CDKL5: variants seen among roughly 807,000 people sequenced by gnomAD.
CDKL5 encodes cyclin-dependent kinase-like 5.
A neutral mutation model predicts 61.7 loss-of-function variants in CDKL5; 8 were observed. That is an observed-to-expected ratio of 0.13 (90% CI 0.08 to 0.23). The LOEUF (loss-of-function observed/expected upper bound fraction) is 0.23, where lower values mean the gene tolerates loss of function less well. Among genes scored for constraint, CDKL5 ranks in the 10% least tolerant of loss-of-function variants. CDKL5 has a pLI of 1.00. For missense variants in CDKL5, 440 were observed against 734.5 expected, an observed-to-expected ratio of 0.60 and a Z score of 4.63; for synonymous variants, 275 against 272.3, an observed-to-expected ratio of 1.01 and a Z score of -0.10.
rs1369259376 is a variant in CDKL5 at position 18,434,771 on chromosome X, T to G, written c.-163+9076T>G. On this transcript the variant is annotated intron_variant, in intron 1 of 17. Transcript: ENST00000623535. The stretch of plus-strand genomic sequence containing the variant: ...GGTGAAACCCTCTCTCTACAAAAAA[T>G]ACAAAAATTAGCTGAGTGTGGTGGC... Among the ~76,000 whole-genome samples the G allele has an allele frequency of 5.4e-5, 6 of 110,512 alleles. No individual in the cohort carries two copies. The East Asian group carries it at 1.7e-3, about 32-fold the overall frequency.
intron 12 of CDKL5, among the ~76,000 whole-genome samples, chrX:18,605,564 G>A (rs1248864242): frequency 9.0e-6 from 1 of 111,146 alleles, no homozygotes; most frequent in African/African-American, 3.3e-5. Context: ...CTCCAGCCTG[G>A]GCAATAGAAC....
intron 1 of CDKL5, among the ~76,000 whole-genome samples, chrX:18,497,856 C>T (rs1470398410): frequency 1.8e-5 from 2 of 108,933 alleles, no homozygotes; most frequent in South Asian, 4.1e-4. Flanking sequence ...TCTGTCACCC[C>T]GGCAGTGCAC....
chrX:18,628,293 C>A, intron 17 of CDKL5, 78 bp from the exon 18 acceptor site: 1 of 1,062,158 alleles, frequency 9.4e-7, no homozygotes. Flanking sequence ...AGTCACCTCA[C>A]CTCTAAGCCC....
At chrX:18,601,648 G>C (rs545859615) in intron 11 of CDKL5, among the ~76,000 whole-genome samples, 1 of 112,235 alleles carries the variant, frequency 8.9e-6, no homozygotes, top group East Asian at 2.8e-4. Context: ...GGCAGTTTAG[G>C]CTCTTTGTAC....
chrX:18,540,683 CTTCCCCTTCCCT>C (rs1470999506), intron 3 of CDKL5, among the ~76,000 whole-genome samples: 1 of 108,202 alleles, frequency 9.2e-6, no homozygotes, highest in Non-Finnish European at 1.9e-5. Flanking sequence ...TCCCCTTCCC[CTTCCCCTTCCCT>C]TCTTTTTTTT....
In CDKL5 at chrX:18,592,593, A is replaced by G. The variant is rs150116142; in HGVS notation, c.745-2755A>G. The stretch of plus-strand genomic sequence containing the variant: ...ATCCTTCAGGGAAATTGCTGCCTCC[A>G]TCACACTTTGACTTTTATAAACCTT... On this transcript the variant is annotated intron_variant, in intron 9 of 17. Coordinates refer to ENST00000623535, the MANE Select transcript of CDKL5 (RefSeq NM_001323289.2). Among the ~76,000 whole-genome samples, 653 of 112,536 alleles carry G rather than the reference A, an allele frequency of 5.8e-3. 4 individuals are homozygous for G. Among genetic ancestry groups the G allele is most frequent in the African/African-American group, 0.02 (623 of 31,095 alleles).
chrX:18,506,858 T>C (rs977475907), intron 1 of CDKL5, 77 bp from the exon 2 acceptor site: 29 of 363,698 alleles, frequency 8.0e-5, no homozygotes, highest in African/African-American at 6.9e-4. Context: ...AAAATAACTC[T>C]ACAAAAAGGT....
intron 1 of CDKL5, among the ~76,000 whole-genome samples, chrX:18,440,693 G>C (rs749561030): frequency 7.2e-5 from 8 of 111,571 alleles, no homozygotes; most frequent in Non-Finnish European, 1.5e-4. Flanking sequence ...GGCTGGTCTC[G>C]AACTCCTGAC....
At chrX:18,617,639 T>TG (rs1242109333) in intron 15 of CDKL5, among the ~76,000 whole-genome samples, 1 of 112,584 alleles carries the variant, frequency 8.9e-6, no homozygotes, top group African/African-American at 3.2e-5. Context: ...GTTAATTCTT[T>TG]GGGTATGTAT....
intron 3 of CDKL5, among the ~76,000 whole-genome samples, chrX:18,524,845 A>C (rs777134250): frequency 2.7e-5 from 3 of 112,086 alleles, no homozygotes; most frequent in Non-Finnish European, 5.6e-5. Flanking sequence ...TTTGTTGAAA[A>C]GATTGCTTTC....
chrX:18,543,140 TG>T (rs747326270), intron 3 of CDKL5, among the ~76,000 whole-genome samples: 4 of 109,718 alleles, frequency 3.6e-5, no homozygotes, highest in Non-Finnish European at 5.7e-5. Context: ...CTCAGTGGGG[TG>T]GTGCTGCAGT....
rs1054694251 is a variant in CDKL5 at position 18,633,807 on chromosome X, G to A, written c.*5050G>A. The A allele has an allele frequency of 1.7e-5, 13 of 751,681 alleles. No individual in the cohort carries two copies. The highest frequency in any genetic ancestry group is 1.2e-4 in the African/African-American group (5 of 42,952). The allele number at this position is 751,681 out of a possible 1,213,427, so 61.9% of individuals were successfully genotyped here. On this transcript the variant is annotated 3_prime_UTR_variant, in exon 18 of 18. Coordinates refer to ENST00000623535, the MANE Select transcript of CDKL5 (RefSeq NM_001323289.2). ...CACAGTGGTTTGTTCATTCATCAGC[G>A]TTAGGCTTGGTCCTGGCTCCACCTT...
At chrX:18,528,755 T>G (rs898524992) in intron 3 of CDKL5, among the ~76,000 whole-genome samples, 19 of 111,674 alleles carry the variant, frequency 1.7e-4, no homozygotes, top group African/African-American at 6.2e-4. Context: ...TACCTCAGCC[T>G]TCTGTGTAGC....
At chrX:18,586,444 G>T (rs2147146974) in intron 8 of CDKL5, among the ~76,000 whole-genome samples, 1 of 111,481 alleles carries the variant, frequency 9.0e-6, no homozygotes, top group African/African-American at 3.3e-5. Context: ...TTATTTTGAG[G>T]ACAGCCTTAT....
intron 7 of CDKL5, among the ~76,000 whole-genome samples, chrX:18,584,042 G>C (rs1027987175): frequency 1.8e-5 from 2 of 111,872 alleles, no homozygotes; most frequent in Admixed American, 1.9e-4. Context: ...ATAGTGAAGA[G>C]ACTGGTTTTG....
At chrX:18,560,133 C>G (rs1160548745) in intron 3 of CDKL5, among the ~76,000 whole-genome samples, 3 of 110,727 alleles carry the variant, frequency 2.7e-5, no homozygotes, top group Admixed American at 9.6e-5. Flanking sequence ...ATTTATAGTC[C>G]TTTGGGTATA....
rs1167315793 is a variant in CDKL5 at position 18,635,056 on chromosome X, C to T, written c.*6299C>T. Reference sequence around the variant, plus strand: ...TGTAATTCCATACTTTTTACTGTGGCAAGGGTGTGATGTGATTGTTAATCT... The same window carrying T: ...TGTAATTCCATACTTTTTACTGTGGTAAGGGTGTGATGTGATTGTTAATCT... On this transcript the variant is annotated 3_prime_UTR_variant, in exon 18 of 18. Transcript: ENST00000623535. The T allele has an allele frequency of 9.4e-6, 7 of 747,891 alleles. No homozygotes were observed. Among genetic ancestry groups the T allele is most frequent in the Non-Finnish European group, 1.1e-5 (7 of 635,101 alleles). 61.6% of individuals were successfully genotyped at this position (747,891 alleles called of 1,213,427 possible).
At chrX:18,540,441 TGCTG>T (rs1341084515) in intron 3 of CDKL5, among the ~76,000 whole-genome samples, 1 of 111,978 alleles carries the variant, frequency 8.9e-6, no homozygotes, top group Non-Finnish European at 1.9e-5. Flanking sequence ...CCTCCCAAAG[TGCTG>T]GGATTACAGG....
At chrX:18,488,743 C>A (rs1427501717) in intron 1 of CDKL5, among the ~76,000 whole-genome samples, 2 of 111,622 alleles carry the variant, frequency 1.8e-5, no homozygotes, top group Non-Finnish European at 3.8e-5. Flanking sequence ...CTGAATGAAA[C>A]CCTCCTCTCA....
Sources: allele counts gnomAD v4.1 joint callset (sites outside exome capture counted in the v4.1 genomes callset), GRCh38; gene constraint gnomAD v4.1.1; transcripts MANE v1.5; gene names NCBI Gene and HGNC (gene_info 2026-07-23, HGNC 2026-07-21).